PXK: variants seen among roughly 807,000 people sequenced by gnomAD.
The protein encoded by PXK is PX domain containing serine/threonine kinase like, also known as PX domain-containing protein kinase-like protein.
A neutral mutation model predicts 84.7 loss-of-function variants in PXK; 35 were observed. That is an observed-to-expected ratio of 0.41 (90% CI 0.32 to 0.55). The LOEUF is 0.55. PXK is among the 20% of genes least tolerant of loss of function. PXK has a pLI of 0.21. For missense variants in PXK, 634 were observed against 699.7 expected (o/e 0.91, Z 1.06); for synonymous variants, 253 against 260.8 (o/e 0.97, Z 0.29).
intron 17 of PXK, among the ~76,000 whole-genome samples, chr3:58,419,132 AGTCT>A (rs200803553): frequency 1.3e-5 from 2 of 152,358 alleles, no homozygotes; most frequent in East Asian, 1.9e-4. Context: ...AAACCCAGCA[AGTCT>A]GTCTGTCTAG....
intron 3 of PXK, among the ~76,000 whole-genome samples, chr3:58,378,508 T>TGTGTGTG (rs1478546551): frequency 8.4e-4 from 24 of 28,534 alleles, no homozygotes; most frequent in African/African-American, 1.7e-3. Flanking sequence ...TTTTTTTTTT[T>TGTGTGTG]TTTTTGTGTG....
At chr3:58,375,476 G>A (rs1486420477) in intron 3 of PXK, among the ~76,000 whole-genome samples, 1 of 152,156 alleles carries the variant, frequency 6.6e-6, no homozygotes, top group Non-Finnish European at 1.5e-5. Context: ...TTCTGTGCCT[G>A]TGTAACCATA....
intron 3 of PXK, 67 bp from the exon 4 acceptor site, chr3:58,382,447 C>T (rs2098512001): frequency 7.5e-7 from 1 of 1,324,974 alleles, no homozygotes; most frequent in Non-Finnish European, 9.9e-7. Flanking sequence ...TATGATAGGT[C>T]AAGATTTTTG....
In PXK at chr3:58,421,710, G is replaced by A. The variant is rs1404759387; in HGVS notation, c.1529-3042G>A. ...CTGCAGCATTCTCTGCCCTCTGACA[G>A]GGCCTCTGCTGGACTGCCAGGTTCC... is the stretch of plus-strand genomic sequence containing the variant. On this transcript the variant is annotated intron_variant, in intron 17 of 17. Coordinates refer to ENST00000356151, the MANE Select transcript of PXK (RefSeq NM_017771.5). The surrounding 1 kb of genome is among the most constrained non-coding windows in gnomAD (Gnocchi z 5.5). The A allele has an allele frequency of 7.1e-6, 7 of 985,344 alleles. No homozygotes were observed. The highest frequency in any genetic ancestry group is 7.0e-5 in the African/African-American group (4 of 57,246). The allele number at this position is 985,344 out of a possible 1,614,324, so 61.0% of individuals were successfully genotyped here.
chr3:58,382,342 A>T (rs2098511142), intron 3 of PXK, among the ~76,000 whole-genome samples, 172 bp from the exon 4 acceptor site: 1 of 152,204 alleles, frequency 6.6e-6, no homozygotes, highest in African/African-American at 2.4e-5. Flanking sequence ...TGCTTAATAC[A>T]GTATTTTATC....
intron 7 of PXK, 125 bp downstream of exon 7, chr3:58,391,972 G>C (rs2098636308): frequency 2.4e-6 from 2 of 843,570 alleles, no homozygotes; most frequent in Admixed American, 2.3e-5. Flanking sequence ...AGGTCAGACT[G>C]AAATTGTGTA....
At chr3:58,389,677 C>CAA (rs1553789286) in intron 4 of PXK, among the ~76,000 whole-genome samples, 1 of 53,338 alleles carries the variant, frequency 1.9e-5, no homozygotes, top group South Asian at 7.0e-4. Flanking sequence ...CAAAAACAAA[C>CAA]AAAAAAAAAA....
chr3:58,390,024 A>AC lies in PXK; in HGVS notation c.389-557dup, dbSNP rs2098608930. 7.7e-6 allele frequency among the ~76,000 whole-genome samples: 1 copy of AC among 130,248 alleles called. No individual in the cohort carries two copies. Among genetic ancestry groups the AC allele is most frequent in the Non-Finnish European group, 1.7e-5 (1 of 58,558 alleles). 85.4% of individuals were successfully genotyped at this position (130,248 alleles called of 152,430 possible). ...CAAAAAAAAAAAAAAAAAAAAAAAA[A>AC]CAATTTAGCCAGGCGTGATGGCCCA... On this transcript the variant is annotated intron_variant, in intron 4 of 17. Coordinates refer to ENST00000356151, the MANE Select transcript of PXK (RefSeq NM_017771.5). This position sits in a 1 kb window ranked among gnomAD's most constrained non-coding sequence, Gnocchi z 4.2.
chr3:58,350,447 C>A (rs987404863), intron 1 of PXK, among the ~76,000 whole-genome samples: 5 of 152,132 alleles, frequency 3.3e-5, no homozygotes, highest in Non-Finnish European at 5.9e-5. Context: ...TCAGCTTCCC[C>A]CTGACTTGAT....
chr3:58,380,122 AG>A (rs763919333), intron 3 of PXK, among the ~76,000 whole-genome samples: 1 of 152,180 alleles, frequency 6.6e-6, no homozygotes, highest in Non-Finnish European at 1.5e-5. Flanking sequence ...ATACAATAAA[AG>A]GCCAAATAAC....
At chr3:58,386,546 C>T (rs190848760) in intron 4 of PXK, among the ~76,000 whole-genome samples, 3 of 152,182 alleles carry the variant, frequency 2.0e-5, no homozygotes, top group Non-Finnish European at 2.9e-5. Context: ...ACGCCCACCT[C>T]GGCCTCCCAA....
chr3:58,418,103 GCCACCCACAC>G (rs2061275209), intron 17 of PXK, among the ~76,000 whole-genome samples: 1 of 152,202 alleles, frequency 6.6e-6, no homozygotes, highest in African/African-American at 2.4e-5. Context: ...ACAGGCATGA[GCCACCCACAC>G]CCAGCCCTTT....
chr3:58,425,208 C>T lies in PXK; in HGVS notation c.*248C>T. On this transcript the variant is annotated 3_prime_UTR_variant, in exon 18 of 18. Coordinates refer to ENST00000356151, the MANE Select transcript of PXK (RefSeq NM_017771.5). ...CCTGTAAAGGAGTCTTGTTTATCCT[C>T]TAATGGCCAGGCTTTTGGGACAGCA... is the stretch of plus-strand genomic sequence containing the variant. 1 of 477,092 alleles carries T rather than the reference C, an allele frequency of 2.1e-6. No individual in the cohort carries two copies. Among genetic ancestry groups the T allele is most frequent in the South Asian group, 2.5e-5 (1 of 39,826 alleles). 29.6% of individuals were successfully genotyped at this position (477,092 alleles called of 1,614,324 possible).
rs565882879 is a variant in PXK, at chr3:58,351,690, A to G, written c.103-14184A>G. 4.7e-4 allele frequency among the ~76,000 whole-genome samples: 68 copies of G among 145,970 alleles called. No individual in the cohort carries two copies. The South Asian group carries it at 0.014, about 30-fold the overall frequency. On this transcript the variant is annotated intron_variant, in intron 1 of 17. Coordinates refer to ENST00000356151, the MANE Select transcript of PXK (RefSeq NM_017771.5). ...TTGAGGATAACCTGAAAAACGTAGGAAAAAAAAAATAGCCAAAAGTGGGCA... is the reference window on the plus strand; with the variant it reads ...TTGAGGATAACCTGAAAAACGTAGGGAAAAAAAAATAGCCAAAAGTGGGCA...
rs2098480525 is a variant in PXK at position 58,379,767 on chromosome 3, A to C, written c.202-2747A>C. 2.0e-5 allele frequency among the ~76,000 whole-genome samples: 3 copies of C among 152,132 alleles called. No individual in the cohort carries two copies. The highest frequency in any genetic ancestry group is 4.4e-5 in the Non-Finnish European group (3 of 68,030). On this transcript the variant is annotated intron_variant, in intron 3 of 17. Coordinates refer to ENST00000356151, the MANE Select transcript of PXK (RefSeq NM_017771.5). The surrounding 1 kb of genome is among the most constrained non-coding windows in gnomAD (Gnocchi z 5.1). The stretch of plus-strand genomic sequence containing the variant: ...AACTATTTAGAAGGGCTAAAAGATA[A>C]AGGAAATACTCTTTAAAAAAAAGAA...
rs1023607808 is a variant in PXK at position 58,422,084 on chromosome 3, C to G, written c.1529-2668C>G. On this transcript the variant is annotated intron_variant, in intron 17 of 17. Transcript: ENST00000356151. ...CATTTGGCCCTTGTTGCCCCTGCCCCCTCTTCCTCCATTGTTAGCCATGTG... is the reference window on the plus strand; with the variant it reads ...CATTTGGCCCTTGTTGCCCCTGCCCGCTCTTCCTCCATTGTTAGCCATGTG... 2.1e-5 allele frequency: 21 copies of G among 985,262 alleles called. 1 individual carries two copies. The highest frequency in any genetic ancestry group is 6.1e-5 in the Admixed American group (1 of 16,272). The allele number at this position is 985,262 out of a possible 1,614,324, so 61.0% of individuals were successfully genotyped here. A position where few individuals can be genotyped will look rare whatever the true frequency, so the allele number is the denominator to read the frequency against.
intron 3 of PXK, among the ~76,000 whole-genome samples, chr3:58,378,448 T>C (rs2108691616): frequency 6.6e-6 from 1 of 151,906 alleles, no homozygotes; most frequent in Non-Finnish European, 1.5e-5. Flanking sequence ...TCATTTTTGT[T>C]TCTTATTTAA....
At chr3:58,384,219 G>T (rs1273281379) in intron 4 of PXK, among the ~76,000 whole-genome samples, 1 of 152,176 alleles carries the variant, frequency 6.6e-6, no homozygotes, top group Non-Finnish European at 1.5e-5. Context: ...CTTGTTGAAG[G>T]TGCAGAATTC....
At position 58,364,146 on chromosome 3, in the gene PXK, T is replaced by G. The variant is rs542597363; in HGVS notation, c.103-1728T>G. 1.3e-5 allele frequency among the ~76,000 whole-genome samples: 2 copies of G among 152,298 alleles called. No homozygotes were observed. Among genetic ancestry groups the G allele is most frequent in the African/African-American group, 4.8e-5 (2 of 41,552 alleles). On this transcript the variant is annotated intron_variant, in intron 1 of 17. Transcript: ENST00000356151. The surrounding 1 kb of genome is among the most constrained non-coding windows in gnomAD (Gnocchi z 4.3). ...TTGCTGAATTCAATTTACTAATATTTTGGTAAGGATTTTTGAGCCTATGTT... is the reference window on the plus strand; with the variant it reads ...TTGCTGAATTCAATTTACTAATATTGTGGTAAGGATTTTTGAGCCTATGTT...
Sources: gnomAD v4.1 joint callset for allele counts (sites outside exome capture counted in the v4.1 genomes callset) on GRCh38, gnomAD v4.1.1 for gene constraint, Gnocchi (gnomAD v3.1) non-coding constraint, MANE v1.5 for transcripts, NCBI Gene and HGNC (gene_info 2026-07-23, HGNC 2026-07-21) for gene names.